ARAP2: variants seen among roughly 807,000 people sequenced by gnomAD.
ARAP2 encodes the protein ArfGAP with RhoGAP domain, ankyrin repeat and PH domain 2, also known as arf-GAP with Rho-GAP domain, ANK repeat and PH domain-containing protein 2.
ARAP2 carries 148 observed loss-of-function variants against 194.5 expected under a neutral mutation model. The observed-to-expected ratio is 0.76, with a 90% CI of 0.67 to 0.87. The LOEUF is 0.87. ARAP2 is among the 40% of genes least tolerant of loss of function. The pLI, the probability that ARAP2 is intolerant of heterozygous loss-of-function variation, is 0.00. For missense variants in ARAP2, 2,128 were observed against 1,989.7 expected (o/e 1.07, Z -1.32); for synonymous variants, 695 against 683.5 (o/e 1.02, Z -0.26).
intron 6 of ARAP2, among the ~76,000 whole-genome samples, chr4:36,194,714 T>C (rs564450828): frequency 5.1e-4 from 78 of 152,292 alleles, no homozygotes; most frequent in Non-Finnish European, 9.1e-4. Flanking sequence ...AAGATAAAAT[T>C]ATACCAAATC....
chr4:36,177,233 T>A (rs1368651171), intron 9 of ARAP2, among the ~76,000 whole-genome samples: 1 of 152,120 alleles, frequency 6.6e-6, no homozygotes, highest in Admixed American at 6.5e-5. Flanking sequence ...TCAAATTTAG[T>A]AAACCAATAA....
chr4:36,042,819 T>C (rs1721087185), intron 5 of ARAP2, among the ~76,000 whole-genome samples: 1 of 149,406 alleles, frequency 6.7e-6, no homozygotes, highest in Admixed American at 6.8e-5. Context: ...AATCAATAAA[T>C]CCAATAAACA....
chr4:36,140,137 A>AAAACACACACACACACAC (rs759611545), intron 19 of ARAP2, among the ~76,000 whole-genome samples: 1 of 47,566 alleles, frequency 2.1e-5, no homozygotes, highest in Non-Finnish European at 5.1e-5. Context: ...AAACAAAAAC[A>AAAACACACACACACACAC]ATACACACAC....
chr4:36,148,288 T>C, intron 17 of ARAP2, 117 bp downstream of exon 17: 1 of 696,114 alleles, frequency 1.4e-6, no homozygotes, highest in Non-Finnish European at 2.3e-6. Context: ...TCTAATGAAG[T>C]ATGAACTTTA....
chr4:36,208,586 G>A, intron 6 of ARAP2, among the ~76,000 whole-genome samples: 1 of 152,160 alleles, frequency 6.6e-6, no homozygotes, highest in Non-Finnish European at 1.5e-5. Flanking sequence ...GAAGGGGTAG[G>A]CATCACTTTG....
intron 1 of ARAP2, among the ~76,000 whole-genome samples, chr4:36,241,179 C>T (rs1004465173): frequency 1.3e-5 from 2 of 152,172 alleles, no homozygotes; most frequent in Admixed American, 1.3e-4. Flanking sequence ...AGTGTATATA[C>T]TCCACCATTT....
chr4:36,214,726 A>C (rs1747534322), intron 2 of ARAP2, among the ~76,000 whole-genome samples: 1 of 152,190 alleles, frequency 6.6e-6, no homozygotes, highest in South Asian at 2.1e-4. Flanking sequence ...TAAAGGAAGA[A>C]ATTTTCTTTG....
chr4:36,009,365 G>T (rs568611294), intron 9 of ARAP2, among the ~76,000 whole-genome samples: 1 of 152,176 alleles, frequency 6.6e-6, no homozygotes, highest in South Asian at 2.1e-4. Context: ...CGATAAAAAA[G>T]AATGATTTCA....
rs1232405324 is a variant in ARAP2, at chr4:36,210,634, A to T, written c.1243T>A (p.Tyr415Asn). The change falls in exon 6 of 33, where the codon TAC (tyrosine) becomes AAC (asparagine). Residue 415 changes from tyrosine to asparagine, a missense_variant. By Grantham distance (143) the Tyr-to-Asn change is moderately radical. Coordinates refer to ENST00000303965, the MANE Select transcript of ARAP2 (RefSeq NM_015230.4). ...FLIDTASESEYSTVEECFQSL... is the reference protein window; with the variant it reads ...FLIDTASESENSTVEECFQSL... ...TGAAAGCATTCTTCTACTGTTGAGT[A>T]TTCTGATTCAGAAGCAGTGTCTATC... 2 of 1,613,744 alleles carry T rather than the reference A, an allele frequency of 1.2e-6. No individual in the cohort carries two copies. The highest frequency in any genetic ancestry group is 1.7e-6 in the Non-Finnish European group (2 of 1,179,866).
intron 8 of ARAP2, among the ~76,000 whole-genome samples, chr4:36,184,091 C>T (rs2085977290): frequency 6.6e-6 from 1 of 152,056 alleles, no homozygotes; most frequent in African/African-American, 2.4e-5. Flanking sequence ...AGTTGATCTA[C>T]CAGTTCCCAC....
In ARAP2 at chr4:36,152,920, G is replaced by A. The variant is rs542305978; in HGVS notation, c.2753-1876C>T. On this transcript the variant is annotated intron_variant, in intron 15 of 32. Transcript: ENST00000303965. ...GTTCATGGCAGAGGCCAGACCCTAA[G>A]AGTCTCACTTGATGGGTGTTCAGGA... Among the ~76,000 whole-genome samples, 5 of 152,352 alleles carry A rather than the reference G, an allele frequency of 3.3e-5. No individual in the cohort carries two copies. The South Asian group carries it at 1.0e-3, about 32-fold the overall frequency.
intron 1 of ARAP2, among the ~76,000 whole-genome samples, chr4:36,232,768 T>A (rs539161960): frequency 5.3e-5 from 8 of 152,356 alleles, no homozygotes; most frequent in African/African-American, 1.7e-4. Context: ...CATATATCTA[T>A]AATTTCTATA....
intron 2 of ARAP2, among the ~76,000 whole-genome samples, chr4:36,056,501 A>G (rs1355176865): frequency 6.6e-6 from 1 of 152,192 alleles, no homozygotes; most frequent in Admixed American, 6.5e-5. Flanking sequence ...TACTATCTGC[A>G]GAGTATATAT....
rs1284432961 is a variant in ARAP2 at position 36,091,800 on chromosome 4, A to G, written c.4425+81T>C. On this transcript the variant is annotated intron_variant, in intron 28 of 32. Coordinates refer to ENST00000303965, the MANE Select transcript of ARAP2 (RefSeq NM_015230.4). ...TATATACTACAGGCAGTGACTTCCA[A>G]GAGAGATGGCTGACAGTAGCATAAA... 4.2e-6 allele frequency: 6 copies of G among 1,431,466 alleles called. No individual in the cohort carries two copies. In the African/African-American group the frequency reaches 4.3e-5, roughly 10 times the overall value. The allele number at this position is 1,431,466 out of a possible 1,614,324, so 88.7% of individuals were successfully genotyped here.
In ARAP2 at chr4:36,081,352, G is replaced by C. The variant is rs76376942; in HGVS notation, c.4544+899C>G. Among the ~76,000 whole-genome samples the C allele has an allele frequency of 2.2e-3, 338 of 152,252 alleles. 1 individual carries two copies. The highest frequency in any genetic ancestry group is 7.9e-3 in the African/African-American group (328 of 41,566). On this transcript the variant is annotated intron_variant, in intron 30 of 32. Coordinates refer to ENST00000303965, the MANE Select transcript of ARAP2 (RefSeq NM_015230.4). ...GGGAGAATGAAAGTATGACAGGAAGGAGAAGTGAAAAGTATGAACAAAGGT... is the reference window on the plus strand; with the variant it reads ...GGGAGAATGAAAGTATGACAGGAAGCAGAAGTGAAAAGTATGAACAAAGGT...
At chr4:36,243,822 G>A (rs1754060895) in intron 1 of ARAP2, 1 of 152,238 alleles carries the variant, frequency 6.6e-6, no homozygotes, top group African/African-American at 2.4e-5. Context: ...CAGACACCCG[G>A]GCAAATTCAT....
chr4:36,161,667 AAC>A (rs1733993725), intron 11 of ARAP2, 117 bp from the exon 12 acceptor site: 1 of 736,868 alleles, frequency 1.4e-6, no homozygotes, highest in Non-Finnish European at 2.3e-6. Context: ...CTCAACTTAA[AAC>A]ACACCAATAC....
At chr4:36,132,550 G>A (rs1725685584) in intron 20 of ARAP2, among the ~76,000 whole-genome samples, 1 of 151,692 alleles carries the variant, frequency 6.6e-6, no homozygotes, top group African/African-American at 2.4e-5. Context: ...TGCAACAAAA[G>A]GAATTTGAAG....
At position 36,128,472 on chromosome 4, in the gene ARAP2, T is replaced by C. The variant is rs577066008; in HGVS notation, c.3640+61A>G. The C allele has an allele frequency of 2.5e-5, 9 of 363,418 alleles. No homozygotes were observed. In the East Asian group the frequency reaches 3.0e-4, roughly 12 times the overall value. 22.5% of individuals were successfully genotyped at this position (363,418 alleles called of 1,614,324 possible). A position where few individuals can be genotyped will look rare whatever the true frequency, so the allele number is the denominator to read the frequency against. ...AAAGGCAAGCATGTATTATGGTCTA[T>C]ATTATACACACACACACACACACAC... On this transcript the variant is annotated intron_variant, in intron 21 of 32. Transcript: ENST00000303965.
Sources: allele counts gnomAD v4.1 joint callset (sites outside exome capture counted in the v4.1 genomes callset), GRCh38; gene constraint gnomAD v4.1.1; transcripts MANE v1.5; gene names NCBI Gene and HGNC (gene_info 2026-07-23, HGNC 2026-07-21).